Variants in TMTC1 observed in about 807,000 individuals in gnomAD.
The protein encoded by TMTC1 is transmembrane O-mannosyltransferase targeting cadherins 1, also known as protein O-mannosyl-transferase TMTC1.
In TMTC1, 73 loss-of-function variants were observed where a neutral mutation model predicts 104.8. The observed-to-expected ratio is 0.70, with a 90% CI of 0.58 to 0.85. TMTC1 has a LOEUF of 0.85. TMTC1 is among the 40% of genes least tolerant of loss of function. The pLI, the probability that TMTC1 is intolerant of heterozygous loss-of-function variation, is 0.00. For missense variants in TMTC1, 1,035 were observed against 1,096.1 expected, an observed-to-expected ratio of 0.94 and a Z score of 0.79; for synonymous variants, 434 against 428.7, an observed-to-expected ratio of 1.01 and a Z score of -0.15.
intron 5 of TMTC1, among the ~76,000 whole-genome samples, chr12:29,742,887 C>A (rs1240090723): frequency 6.6e-6 from 1 of 152,106 alleles, no homozygotes; most frequent in East Asian, 1.9e-4. Context: ...TAACCACATA[C>A]CATAAAGTCA....
intron 5 of TMTC1, among the ~76,000 whole-genome samples, chr12:29,699,959 A>G (rs921095702): frequency 1.3e-5 from 2 of 151,996 alleles, no homozygotes; most frequent in African/African-American, 4.8e-5. Flanking sequence ...GGTAGCTTTG[A>G]TCCCTCTCCT....
At chr12:29,717,026 A>T (rs1465743805) in intron 5 of TMTC1, among the ~76,000 whole-genome samples, 2 of 152,120 alleles carry the variant, frequency 1.3e-5, no homozygotes, top group Non-Finnish European at 1.5e-5. Flanking sequence ...CGTCTCAAAA[A>T]ACAAACAAAC....
intron 2 of TMTC1, among the ~76,000 whole-genome samples, chr12:29,764,985 A>T (rs527658286): frequency 1.3e-5 from 2 of 152,280 alleles, no homozygotes; most frequent in African/African-American, 4.8e-5. Flanking sequence ...TTGTTCTTTC[A>T]CGCAGTAATT....
rs528160901 is a variant in TMTC1 at position 29,783,566 on chromosome 12, G to A, written c.186C>T (p.Asp62=). Reference sequence around the variant, plus strand: ...AGCGGAGCGGGGCGCCGGGCCGCACGTCGGGGTTGTTCACGATCGCCCACA... The same window carrying A: ...AGCGGAGCGGGGCGCCGGGCCGCACATCGGGGTTGTTCACGATCGCCCACA... ...DDVWAIVNNP[D]VRPGAPLRWG... Residue 62 remains aspartate, a synonymous_variant, in exon 1 of 18, where the codon GAC becomes GAT. Transcript: ENST00000539277. This position sits in a 1 kb window ranked among gnomAD's most constrained non-coding sequence, Gnocchi z 4.7. 2.7e-6 allele frequency: 4 copies of A among 1,482,810 alleles called. No homozygotes were observed. The highest frequency in any genetic ancestry group is 1.4e-5 in the African/African-American group (1 of 69,716). The allele number at this position is 1,482,810 out of a possible 1,614,324, so 91.9% of individuals were successfully genotyped here.
intron 5 of TMTC1, among the ~76,000 whole-genome samples, chr12:29,685,865 C>G (rs1306205243): frequency 1.4e-5 from 2 of 144,512 alleles, no homozygotes; most frequent in Admixed American, 7.0e-5. Context: ...AGAAAGTAAA[C>G]AAACTACTCT....
chr12:29,642,929 A>C (rs1938925094), intron 5 of TMTC1, among the ~76,000 whole-genome samples: 1 of 151,240 alleles, frequency 6.6e-6, no homozygotes, highest in South Asian at 2.1e-4. Context: ...CATCTCAAAA[A>C]AAAAAACTCC....
chr12:29,696,664 T>C (rs183187126), intron 5 of TMTC1, among the ~76,000 whole-genome samples: 178 of 152,304 alleles, frequency 1.2e-3, no homozygotes, highest in African/African-American at 4.1e-3. Flanking sequence ...TTTTTAAAGT[T>C]TAAGGAATTA....
At chr12:29,698,353 ACTC>A (rs1941485218) in intron 5 of TMTC1, among the ~76,000 whole-genome samples, 2 of 151,852 alleles carry the variant, frequency 1.3e-5, no homozygotes, top group Non-Finnish European at 2.9e-5. Flanking sequence ...ATGGGTGATC[ACTC>A]CTCTGTGATT....
At chr12:29,554,836 C>T (rs1945196247) in intron 10 of TMTC1, among the ~76,000 whole-genome samples, 1 of 152,176 alleles carries the variant, frequency 6.6e-6, no homozygotes, top group Non-Finnish European at 1.5e-5. Flanking sequence ...ATGAGCAAGA[C>T]TCTGTCTCAA....
intron 5 of TMTC1, among the ~76,000 whole-genome samples, chr12:29,705,197 C>G (rs886220124): frequency 9.9e-5 from 15 of 152,158 alleles, no homozygotes; most frequent in African/African-American, 3.6e-4. Flanking sequence ...CTATCACCAC[C>G]GTGGTGTAAT....
At chr12:29,514,640 G>T in intron 15 of TMTC1, 36 bp from the exon 16 acceptor site, 1 of 1,580,204 alleles carries the variant, frequency 6.3e-7, no homozygotes. Context: ...AATAAATGCA[G>T]ATTAGGTAAA....
intron 7 of TMTC1, among the ~76,000 whole-genome samples, chr12:29,591,627 C>G (rs1946283587): frequency 6.6e-6 from 1 of 152,226 alleles, no homozygotes; most frequent in African/African-American, 2.4e-5. Context: ...AGAGACACCT[C>G]TCTCCATAAC....
chr12:29,648,778 A>G (rs148773912), intron 5 of TMTC1, among the ~76,000 whole-genome samples: 4 of 152,334 alleles, frequency 2.6e-5, no homozygotes, highest in African/African-American at 9.6e-5. Context: ...TTTCGGAAAT[A>G]TATTTTGTTT....
chr12:29,515,141 T>C (rs1280862621), intron 15 of TMTC1, among the ~76,000 whole-genome samples: 1 of 152,174 alleles, frequency 6.6e-6, no homozygotes, highest in Non-Finnish European at 1.5e-5. Context: ...CCTTGATTAC[T>C]TTACAGGGAG....
chr12:29,589,741 C>T (rs1215042923), intron 7 of TMTC1, among the ~76,000 whole-genome samples: 1 of 152,194 alleles, frequency 6.6e-6, no homozygotes, highest in African/African-American at 2.4e-5. Context: ...TATATGTTTG[C>T]GTGTCTAGTG....
At position 29,583,353 on chromosome 12, in the gene TMTC1, T is replaced by C. The variant is rs933253328; in HGVS notation, c.1418+54A>G. On this transcript the variant is annotated intron_variant, in intron 8 of 17. Transcript: ENST00000539277. ...GTTACCTCATTTGTTTGGAAACAAT[T>C]TGTAAGCAAAGAAATAAACAGGAAG... 7.7e-6 allele frequency: 12 copies of C among 1,553,260 alleles called. No individual in the cohort carries two copies. The African/African-American group carries it at 8.2e-5, about 11-fold the overall frequency.
chr12:29,635,770 C>A (rs1452457138), intron 5 of TMTC1, among the ~76,000 whole-genome samples: 1 of 152,196 alleles, frequency 6.6e-6, no homozygotes, highest in Non-Finnish European at 1.5e-5. Flanking sequence ...CCACATCACA[C>A]CACAGGGATG....
intron 9 of TMTC1, among the ~76,000 whole-genome samples, chr12:29,567,472 T>C (rs1465400171): frequency 1.3e-5 from 2 of 152,184 alleles, no homozygotes; most frequent in Non-Finnish European, 2.9e-5. Flanking sequence ...TAACACAGCA[T>C]ATATATACTG....
intron 6 of TMTC1, among the ~76,000 whole-genome samples, chr12:29,630,725 T>C (rs1458783504): frequency 6.6e-6 from 1 of 152,248 alleles, no homozygotes; most frequent in Non-Finnish European, 1.5e-5. Flanking sequence ...AATAAAGCTG[T>C]ATGAATATTC....
Sources: allele counts gnomAD v4.1 joint callset (sites outside exome capture counted in the v4.1 genomes callset), GRCh38; gene constraint gnomAD v4.1.1; non-coding constraint Gnocchi (gnomAD v3.1); transcripts MANE v1.5; gene names NCBI Gene and HGNC (gene_info 2026-07-23, HGNC 2026-07-21).